Variants in EPB41L5 observed in about 807,000 individuals in gnomAD.
The protein encoded by EPB41L5 is band 4.1-like protein 5.
EPB41L5 carries 55 observed loss-of-function variants against 106.6 expected under a neutral mutation model. The observed-to-expected ratio is 0.52, with a 90% confidence interval of 0.42 to 0.65. The LOEUF (loss-of-function observed/expected upper bound fraction) is 0.65. Ranked by LOEUF, EPB41L5 falls within the 30% of genes least tolerant of loss-of-function variation. EPB41L5 has a pLI of 0.00. For synonymous variants in EPB41L5, 297 were observed against 306.7 expected (o/e 0.97, Z 0.33); for missense variants, 871 against 882.1 (o/e 0.99, Z 0.16).
intron 3 of EPB41L5, among the ~76,000 whole-genome samples, chr2:120,071,407 A>G (rs1472351337): frequency 6.6e-6 from 1 of 152,144 alleles, no homozygotes; most frequent in East Asian, 1.9e-4. Flanking sequence ...CATACTGCTC[A>G]AAGTAATTTA....
chr2:120,087,229 G>C lies in EPB41L5; in HGVS notation c.862G>C (p.Asp288His). The C allele has an allele frequency of 6.4e-7, 1 of 1,566,884 alleles. No individual in the cohort carries two copies. The highest frequency in any genetic ancestry group is 8.8e-7 in the Non-Finnish European group (1 of 1,138,512). Residue 288 changes from aspartate (D) to histidine (H), a missense_variant, in exon 11 of 25, where the codon GAT becomes CAT. By Grantham distance (81) the Asp-to-His change is moderately conservative. Coordinates refer to ENST00000263713, the MANE Select transcript of EPB41L5 (RefSeq NM_020909.4). ...KNKLTLVVVE[D>H]DDQGKEQEHT... is the part of the protein sequence containing the mutation. ...TAAATTAACCTTGGTGGTTGTAGAA[G>C]ATGATGATCAGGTAGGAATAAAATT...
chr2:120,063,400 C>G (rs1681213347), intron 3 of EPB41L5, among the ~76,000 whole-genome samples: 1 of 150,888 alleles, frequency 6.6e-6, no homozygotes, highest in Non-Finnish European at 1.5e-5. Flanking sequence ...ACCTAGTGAG[C>G]TCCTATGCAA....
chr2:120,147,431 G>C (rs1272119401), intron 20 of EPB41L5, among the ~76,000 whole-genome samples: 1 of 151,988 alleles, frequency 6.6e-6, no homozygotes, highest in Non-Finnish European at 1.5e-5. Context: ...TTCAAGACCA[G>C]CCTAGCCAAC....
At chr2:120,016,098 A>G (rs1022676548) in intron 1 of EPB41L5, among the ~76,000 whole-genome samples, 6 of 152,046 alleles carry the variant, frequency 3.9e-5, no homozygotes, top group Non-Finnish European at 7.4e-5. Flanking sequence ...TTATCCTTCC[A>G]GAAATAGAAC....
At chr2:120,173,530 A>G (rs988109455) in intron 24 of EPB41L5, among the ~76,000 whole-genome samples, 9 of 152,348 alleles carry the variant, frequency 5.9e-5, no homozygotes, top group African/African-American at 1.9e-4. Context: ...AAAGTGAAGG[A>G]AAATACCAGG....
At chr2:120,050,837 G>A (rs1680205572) in intron 3 of EPB41L5, among the ~76,000 whole-genome samples, 1 of 152,148 alleles carries the variant, frequency 6.6e-6, no homozygotes, top group African/African-American at 2.4e-5. Flanking sequence ...TGGGGTTTTG[G>A]TGTGGATGTC....
At chr2:120,043,395 GCTGGGC>G (rs1373700610) in intron 3 of EPB41L5, among the ~76,000 whole-genome samples, 34 of 151,830 alleles carry the variant, frequency 2.2e-4, no homozygotes, top group Admixed American at 9.9e-4. Flanking sequence ...ACAAAAATTA[GCTGGGC>G]CTGGGCATGG....
intron 13 of EPB41L5, 108 bp from the exon 14 acceptor site, chr2:120,093,141 T>C: frequency 1.1e-6 from 1 of 917,888 alleles, no homozygotes; most frequent in Middle Eastern, 2.2e-4. Context: ...AATTTATGGT[T>C]GTGAAACATG....
rs34856540 is a variant in EPB41L5, at chr2:120,055,481, A to ATTTT, written c.285+13393_285+13396dup. On this transcript the variant is annotated intron_variant, in intron 3 of 24. Coordinates refer to ENST00000263713, the MANE Select transcript of EPB41L5 (RefSeq NM_020909.4). Reference sequence around the variant, plus strand: ...TGTCTTTCTCTGTATTAGGTTTTTAATTTTTTTTTTTTTTTTTTTTTTTTT... The same window carrying ATTTT: ...TGTCTTTCTCTGTATTAGGTTTTTAATTTTTTTTTTTTTTTTTTTTTTTTTTTTT... 1.4e-3 allele frequency among the ~76,000 whole-genome samples: 122 copies of ATTTT among 85,558 alleles called. 1 individual carries two copies. The highest frequency in any genetic ancestry group is 1.6e-3 in the Non-Finnish European group (75 of 46,266). 56.1% of individuals were successfully genotyped at this position (85,558 alleles called of 152,430 possible).
intron 16 of EPB41L5, among the ~76,000 whole-genome samples, chr2:120,118,030 AGATT>A (rs1249012035): frequency 3.9e-5 from 6 of 152,208 alleles, no homozygotes; most frequent in East Asian, 3.8e-4. Context: ...TTATATAAGC[AGATT>A]GATCCGTTTT....
intron 24 of EPB41L5, among the ~76,000 whole-genome samples, chr2:120,169,644 C>T (rs1422402959): frequency 6.6e-6 from 1 of 152,154 alleles, no homozygotes; most frequent in East Asian, 1.9e-4. Flanking sequence ...TCCGCAACCT[C>T]AGTCTTAACT....
intron 10 of EPB41L5, 71 bp from the exon 11 acceptor site, chr2:120,087,099 TA>T: frequency 1.0e-6 from 1 of 981,196 alleles, no homozygotes; most frequent in Non-Finnish European, 1.6e-6. Flanking sequence ...GTATTTGAAA[TA>T]AAAACAATTT....
At chr2:120,073,112 T>C (rs1163319058) in intron 3 of EPB41L5, 66 bp from the exon 4 acceptor site, 20 of 1,407,534 alleles carry the variant, frequency 1.4e-5, no homozygotes, top group Non-Finnish European at 1.9e-5. Context: ...AAGTAACTTT[T>C]AGTAATTCAT....
intron 16 of EPB41L5, chr2:120,106,825 G>A: frequency 5.1e-6 from 5 of 985,284 alleles, no homozygotes; most frequent in South Asian, 4.7e-5. Flanking sequence ...CTATCTTGGA[G>A]TAAGATCTAA....
intron 16 of EPB41L5, among the ~76,000 whole-genome samples, chr2:120,127,290 T>C (rs914118091): frequency 1.3e-5 from 2 of 152,176 alleles, no homozygotes; most frequent in Non-Finnish European, 2.9e-5. Flanking sequence ...ATAAAAACTT[T>C]TCCATGAATC....
intron 20 of EPB41L5, among the ~76,000 whole-genome samples, chr2:120,159,423 CA>C (rs36001495): frequency 0.089 from 8,469 of 95,128 alleles, 232 homozygotes; most frequent in African/African-American, 0.15. Flanking sequence ...GACTCCATCT[CA>C]AAAAAAAAAA....
intron 3 of EPB41L5, among the ~76,000 whole-genome samples, chr2:120,071,757 C>T (rs1681884428): frequency 6.6e-6 from 1 of 152,166 alleles, no homozygotes; most frequent in African/African-American, 2.4e-5. Flanking sequence ...CCCTTCCTTA[C>T]ACCTTATACA....
chr2:120,106,065 A>G, intron 16 of EPB41L5: 1 of 983,622 alleles, frequency 1.0e-6, no homozygotes, highest in Non-Finnish European at 1.2e-6. Flanking sequence ...GAAGAGTAAG[A>G]TCTTCAGTTC....
chr2:120,057,355 A>G (rs1341243921), intron 3 of EPB41L5, among the ~76,000 whole-genome samples: 2 of 152,208 alleles, frequency 1.3e-5, no homozygotes, highest in African/African-American at 4.8e-5. Flanking sequence ...TTTAAAATCT[A>G]AATGTAATTT....
Sources: gnomAD v4.1 joint callset for allele counts (sites outside exome capture counted in the v4.1 genomes callset) on GRCh38, gnomAD v4.1.1 for gene constraint, MANE v1.5 for transcripts, NCBI Gene and HGNC (gene_info 2026-07-23, HGNC 2026-07-21) for gene names.